The following WASHC2C variants were observed in gnomAD, a reference collection of about 807,000 sequenced individuals.
The protein encoded by WASHC2C is Vaccinia Penetration Factor.
In WASHC2C, 73 loss-of-function variants were observed where a neutral mutation model predicts 142.2. That is an observed-to-expected ratio of 0.51 (90% CI 0.43 to 0.62). WASHC2C has a LOEUF of 0.62. WASHC2C is among the 20% of genes least tolerant of loss of function. WASHC2C has a pLI of 0.00. For synonymous variants in WASHC2C, 337 were observed against 565.5 expected (o/e 0.60, Z 5.73); for missense variants, 969 against 1,531.7 (o/e 0.63, Z 6.13).
rs553229567 is a variant in WASHC2C at position 45,738,227 on chromosome 10, A to G, written c.354+182A>G. ...TGAAATGTAGTATATTAACTAATAC[A>G]GAGATCAAATCCTTGAATTCTGATA... is the stretch of plus-strand genomic sequence containing the variant. On this transcript the variant is annotated intron_variant, in intron 4 of 30. Transcript: ENST00000623400. 6.0e-4 allele frequency among the ~76,000 whole-genome samples: 91 copies of G among 152,288 alleles called. 2 individuals are homozygous for G. In the South Asian group the frequency reaches 0.018, roughly 29 times the overall value.
rs1177751832 is a variant in WASHC2C, at chr10:45,789,481, A to G, written c.3698A>G (p.Asp1233Gly). 3 of 1,611,990 alleles carry G rather than the reference A, an allele frequency of 1.9e-6. No homozygotes were observed. The highest frequency in any genetic ancestry group is 2.2e-5 in the East Asian group (1 of 44,890). The change falls in exon 29 of 31, where the codon GAT (aspartate) becomes GGT (glycine). Residue 1233 changes from aspartate to glycine, a missense_variant. Transcript: ENST00000623400. ...CAGGATGTCATATTAACAACACAAG[A>G]TATTTTTGAGGTAATAGGACTTAAC... is the stretch of plus-strand genomic sequence containing the variant. Reference protein sequence around the residue: ...SQQDVILTTQDIFEDDIFATE... With the variant: ...SQQDVILTTQGIFEDDIFATE...
chr10:45,731,137 T>C (rs1436179309), intron 3 of WASHC2C, among the ~76,000 whole-genome samples: 1 of 148,070 alleles, frequency 6.8e-6, no homozygotes, highest in Non-Finnish European at 1.5e-5. Context: ...TTTGTTTTAT[T>C]GTGTTTTGGT....
Position 45,728,944 on chromosome 10 carries a change from G to A in WASHC2C, c.209G>A (p.Arg70Gln), listed in dbSNP as rs369690918. 6.8e-6 allele frequency: 11 copies of A among 1,613,780 alleles called. No homozygotes were observed. The highest frequency in any genetic ancestry group is 1.6e-4 in the Middle Eastern group (1 of 6,078). Residue 70 changes from arginine (R) to glutamine (Q), a missense_variant, in exon 3 of 31, where the codon CGG becomes CAG. Coordinates refer to ENST00000623400, the MANE Select transcript of WASHC2C (RefSeq NM_001330074.2). ...AAGAAACAAGTGGACGGACTAATCC[G>A]GGAAACCAAAGCCACAGATTGTCGC... ...EIKKQVDGLI[R>Q]ETKATDCRLH...
chr10:45,766,280 A>G (rs1425548155), intron 19 of WASHC2C, among the ~76,000 whole-genome samples: 1 of 152,302 alleles, frequency 6.6e-6, no homozygotes, highest in African/African-American at 2.4e-5. Context: ...GAGCACGATT[A>G]GATGAAAGGG....
intron 16 of WASHC2C, among the ~76,000 whole-genome samples, chr10:45,758,535 T>G (rs1402428215): frequency 6.6e-6 from 1 of 152,128 alleles, no homozygotes; most frequent in African/African-American, 2.4e-5. Flanking sequence ...CTTCCCCGAT[T>G]TTTAGTATTG....
chr10:45,737,968 T>C lies in WASHC2C; in HGVS notation c.292-15T>C, dbSNP rs1554865502. 6.2e-7 allele frequency: 1 copy of C among 1,611,756 alleles called. No homozygotes were observed. Among genetic ancestry groups the C allele is most frequent in the African/African-American group, 1.3e-5 (1 of 74,788 alleles). On this transcript the variant is annotated splice_polypyrimidine_tract_variant and intron_variant, in intron 3 of 30. Coordinates refer to ENST00000623400, the MANE Select transcript of WASHC2C (RefSeq NM_001330074.2). ...CGTGTTGACCTTTTAACATTGAGTT[T>C]GCTTCCATATTTAGCGTGTATATGA...
chr10:45,732,523 A>T (rs1236368259), intron 3 of WASHC2C, among the ~76,000 whole-genome samples: 3 of 152,244 alleles, frequency 2.0e-5, no homozygotes, highest in Non-Finnish European at 2.9e-5. Flanking sequence ...TTAGTTTGTT[A>T]AATGAACTGG....
At chr10:45,784,315 C>T (rs201621300) in intron 23 of WASHC2C, among the ~76,000 whole-genome samples, 46 of 45,388 alleles carry the variant, frequency 1.0e-3, no homozygotes, top group African/African-American at 1.9e-3. Flanking sequence ...TATATATACA[C>T]ACACATATAT....
chr10:45,785,233 C>T (rs1190453684), intron 25 of WASHC2C, among the ~76,000 whole-genome samples: 2 of 152,312 alleles, frequency 1.3e-5, no homozygotes, highest in East Asian at 1.9e-4. Context: ...AGGTGCAAAG[C>T]TTTGAATCTG....
chr10:45,764,110 C>T (rs2055484344), intron 18 of WASHC2C, among the ~76,000 whole-genome samples: 1 of 150,418 alleles, frequency 6.6e-6, no homozygotes, highest in African/African-American at 2.5e-5. Flanking sequence ...TTGACTTCCA[C>T]ATTGCAGTGA....
Position 45,727,512 on chromosome 10 carries a change from G to C in WASHC2C, c.99G>C (p.Gln33His). 1 of 1,599,076 alleles carries C rather than the reference G, an allele frequency of 6.3e-7. No homozygotes were observed. The highest frequency in any genetic ancestry group is 1.3e-5 in the African/African-American group (1 of 74,710). Residue 33 changes from glutamine to histidine, a missense_variant, in exon 2 of 31, where the codon CAG becomes CAC. Transcript: ENST00000623400. ...WSVEEIRRSS[Q>H]SWSLAADAGL... ...TGGAGGAGATCCGCAGGAGCAGCCA[G>C]AGCTGGTCGCTGGCGGCCGACGCGG...
chr10:45,747,248 C>T (rs1463086497), intron 8 of WASHC2C, among the ~76,000 whole-genome samples: 1 of 152,080 alleles, frequency 6.6e-6, no homozygotes, highest in Non-Finnish European at 1.5e-5. Context: ...TCAAATAATT[C>T]TTCTGCCTCA....
Position 45,727,530 on chromosome 10 carries a change from C to A in WASHC2C, c.117C>A (p.Ala39=), listed in dbSNP as rs761261919. 89 of 1,586,234 alleles carry A rather than the reference C, an allele frequency of 5.6e-5. No individual in the cohort carries two copies. Among genetic ancestry groups the A allele is most frequent in the Non-Finnish European group, 7.4e-5 (86 of 1,167,990 alleles). ...GCAGCCAGAGCTGGTCGCTGGCGGC[C>A]GACGCGGGCGTGAGAGGCGGGCCCC... The part of the protein sequence containing the change: ...RRSSQSWSLA[A]DAGLLQFLQE... The change falls in exon 2 of 31, where the codon GCC becomes GCA. Residue 39 remains alanine (A), a synonymous_variant. Transcript: ENST00000623400.
intron 29 of WASHC2C, 97 bp from the exon 30 acceptor site, chr10:45,790,259 C>G: frequency 6.3e-7 from 1 of 1,592,178 alleles, no homozygotes; most frequent in Non-Finnish European, 8.6e-7. Context: ...GTTCCACACA[C>G]CCTGGCCAAT....
rs1409025185 is a variant in WASHC2C at position 45,750,739 on chromosome 10, C to A, written c.844-12C>A. The stretch of plus-strand genomic sequence containing the variant: ...TACAAAAAAGCGATTCTTTTGATTT[C>A]TCCTGCTGTAGAAAAGAAGCAGACC... On this transcript the variant is annotated splice_polypyrimidine_tract_variant and intron_variant, in intron 9 of 30. Coordinates refer to ENST00000623400, the MANE Select transcript of WASHC2C (RefSeq NM_001330074.2). 6.5e-7 allele frequency: 1 copy of A among 1,546,886 alleles called. No homozygotes were observed. The highest frequency in any genetic ancestry group is 1.4e-5 in the African/African-American group (1 of 71,606).
chr10:45,727,258 G>A, upstream of WASHC2C: 6 of 1,537,364 alleles, frequency 3.9e-6, no homozygotes, highest in Non-Finnish European at 5.2e-6. Context: ...AGGCTTCCGG[G>A]GCTCTGCGGT....
chr10:45,786,800 C>T, intron 27 of WASHC2C, 126 bp downstream of exon 27: 7 of 1,567,660 alleles, frequency 4.5e-6, no homozygotes, highest in East Asian at 4.5e-5. Context: ...CTCCCCTGCA[C>T]CTAGTTGTTG....
intron 22 of WASHC2C, 128 bp downstream of exon 22, chr10:45,777,553 G>A: frequency 4.0e-6 from 3 of 755,424 alleles, no homozygotes; most frequent in Non-Finnish European, 4.5e-6. Context: ...TGAAAACATA[G>A]ACAAGCAGGC....
intron 19 of WASHC2C, among the ~76,000 whole-genome samples, chr10:45,766,596 A>T (rs1467536324): frequency 6.9e-6 from 1 of 143,950 alleles, no homozygotes; most frequent in Non-Finnish European, 1.5e-5. Context: ...TTGTTAAATG[A>T]CTACTGTGTT....
Sources: allele counts gnomAD v4.1 joint callset (sites outside exome capture counted in the v4.1 genomes callset), GRCh38; gene constraint gnomAD v4.1.1; transcripts MANE v1.5; gene names NCBI Gene and HGNC (gene_info 2026-07-23, HGNC 2026-07-21).